RIMBP2: variants seen among roughly 807,000 people sequenced by gnomAD.
RIMBP2 encodes RIMS-binding protein 2.
In RIMBP2, 48 loss-of-function variants were observed where a neutral mutation model predicts 118.6. The ratio of observed to expected loss-of-function variants is 0.40; its 90% CI spans 0.32 to 0.51. The LOEUF (loss-of-function observed/expected upper bound fraction) is 0.51, where lower values mean the gene tolerates loss of function less well. Among genes scored for constraint, RIMBP2 ranks in the 20% least tolerant of loss-of-function variants. The pLI is 0.41. For synonymous variants in RIMBP2, 762 were observed against 742.9 expected (o/e 1.03, Z -0.42); for missense variants, 1,551 against 1,768.3 (o/e 0.88, Z 2.20).
chr12:130,539,875 TAGATGAGGTGG>T (rs1566227349), intron 2 of RIMBP2, among the ~76,000 whole-genome samples: 43 of 123,952 alleles, frequency 3.5e-4, no homozygotes, highest in Non-Finnish European at 5.3e-4. Flanking sequence ...GCAAATGCAG[TAGATGAGGTGG>T]CGAGGTGTAG....
intron 19 of RIMBP2, among the ~76,000 whole-genome samples, chr12:130,411,079 C>T (rs895981405): frequency 1.3e-5 from 2 of 152,150 alleles, no homozygotes; most frequent in African/African-American, 4.8e-5. Flanking sequence ...AGACTTAATG[C>T]TAAGTAGTTC....
chr12:130,405,532 A>C (rs930563319), intron 21 of RIMBP2, among the ~76,000 whole-genome samples: 1 of 152,262 alleles, frequency 6.6e-6, no homozygotes, highest in Non-Finnish European at 1.5e-5. Context: ...ACTTGTAAAG[A>C]TGCCCCAGCT....
At chr12:130,609,147 T>A (rs746073106) in intron 2 of RIMBP2, among the ~76,000 whole-genome samples, 6 of 152,160 alleles carry the variant, frequency 3.9e-5, no homozygotes, top group Admixed American at 2.6e-4. Flanking sequence ...GAGCCCACTA[T>A]GTCACTGGTA....
intron 1 of RIMBP2, among the ~76,000 whole-genome samples, chr12:130,667,034 A>T (rs2063954499): frequency 9.1e-6 from 1 of 110,066 alleles, no homozygotes; most frequent in Non-Finnish European, 1.8e-5. Context: ...AAAGAAGAAG[A>T]GGGAGGAAGG....
At chr12:130,520,314 G>C (rs117452471) in intron 2 of RIMBP2, among the ~76,000 whole-genome samples, 1 of 152,010 alleles carries the variant, frequency 6.6e-6, no homozygotes, top group Non-Finnish European at 1.5e-5. Context: ...AAACATCTTC[G>C]TCTCTTTCCA....
intron 1 of RIMBP2, among the ~76,000 whole-genome samples, chr12:130,672,146 T>G (rs10848178): frequency 0.22 from 33,285 of 152,088 alleles, 3,828 homozygotes; most frequent in East Asian, 0.29. Context: ...GTCTCATCAA[T>G]GCTCGGAGAA....
intron 1 of RIMBP2, among the ~76,000 whole-genome samples, chr12:130,630,286 T>C (rs2061915559): frequency 6.6e-6 from 1 of 151,534 alleles, no homozygotes; most frequent in South Asian, 2.1e-4. Context: ...GAAAGAGTTA[T>C]TGTCAAGTTA....
At chr12:130,680,829 A>G (rs1032705991) in intron 1 of RIMBP2, among the ~76,000 whole-genome samples, 1 of 152,088 alleles carries the variant, frequency 6.6e-6, no homozygotes, top group Non-Finnish European at 1.5e-5. Flanking sequence ...CTCAGAGGAG[A>G]TCGGGGTGGG....
At chr12:130,673,032 T>C (rs1384378289) in intron 1 of RIMBP2, among the ~76,000 whole-genome samples, 1 of 67,568 alleles carries the variant, frequency 1.5e-5, no homozygotes, top group Admixed American at 2.1e-4. Flanking sequence ...GAAAGAACAG[T>C]CTGTCTCAGA....
At chr12:130,667,379 G>C (rs1287340147) in intron 1 of RIMBP2, 1 of 152,178 alleles carries the variant, frequency 6.6e-6, no homozygotes, top group Non-Finnish European at 1.5e-5. Context: ...CATGAATAGA[G>C]GAATTGTTTA....
At chr12:130,485,162 A>G (rs922117709) in intron 4 of RIMBP2, among the ~76,000 whole-genome samples, 2 of 152,252 alleles carry the variant, frequency 1.3e-5, no homozygotes, top group African/African-American at 4.8e-5. Flanking sequence ...CAACAGGATG[A>G]TGGACAGCTA....
intron 2 of RIMBP2, among the ~76,000 whole-genome samples, chr12:130,546,258 C>T (rs541513738): frequency 2.0e-5 from 3 of 151,982 alleles, no homozygotes; most frequent in Non-Finnish European, 4.4e-5. Flanking sequence ...TGTCCACTAC[C>T]ACGCCCAGCT....
At chr12:130,466,369 A>C (rs1299721116) in intron 6 of RIMBP2, 2 of 152,152 alleles carry the variant, frequency 1.3e-5, no homozygotes, top group African/African-American at 4.8e-5. Flanking sequence ...CTAAACCCCA[A>C]AACTAGCTCA....
chr12:130,399,053 A>C, intron 22 of RIMBP2: 1 of 871,092 alleles, frequency 1.1e-6, no homozygotes, highest in East Asian at 3.0e-5. Context: ...AGTCTACCAC[A>C]CTGGCCCGGT....
At chr12:130,694,211 C>A (rs2065467813) in intron 1 of RIMBP2, among the ~76,000 whole-genome samples, 1 of 152,184 alleles carries the variant, frequency 6.6e-6, no homozygotes, top group East Asian at 1.9e-4. Context: ...TCAAGCAAAA[C>A]CCTCCTTGGA....
Position 130,475,512 on chromosome 12 carries a change from AAGC to A in RIMBP2, c.102+3397_102+3399del, listed in dbSNP as rs138083399. 0.027 allele frequency among the ~76,000 whole-genome samples: 4,148 copies of A among 152,238 alleles called. 212 individuals are homozygous for A. Among genetic ancestry groups the A allele is most frequent in the African/African-American group, 0.096 (3,988 of 41,516 alleles). ...GAAAAACAACATTATAGGATGGAGG[AAGC>A]TGAGGATGAAAGCACAAAGAGGCAG... On this transcript the variant is annotated intron_variant, in intron 5 of 22. Coordinates refer to ENST00000690449, the MANE Select transcript of RIMBP2 (RefSeq NM_001393629.1). The surrounding 1 kb of genome is among the most constrained non-coding windows in gnomAD (Gnocchi z 4.1).
chr12:130,420,904 C>A lies in RIMBP2; in HGVS notation c.3238+1549G>T, dbSNP rs562723071. ...GACCTACCATGCCTCTTCCAAAGGACGTCCTTTCTGAGCGCCTACAGCATT... is the reference window on the plus strand; with the variant it reads ...GACCTACCATGCCTCTTCCAAAGGAAGTCCTTTCTGAGCGCCTACAGCATT... On this transcript the variant is annotated intron_variant, in intron 17 of 22. Transcript: ENST00000690449. The surrounding 1 kb of genome is among the most constrained non-coding windows in gnomAD (Gnocchi z 4.3). The A allele has an allele frequency of 6.6e-6, 1 of 152,314 alleles. No homozygotes were observed. The highest frequency in any genetic ancestry group is 1.9e-4 in the East Asian group (1 of 5,176). The allele number at this position is 152,314 out of a possible 1,614,324, so 9.4% of individuals were successfully genotyped here. A position where few individuals can be genotyped will look rare whatever the true frequency, so the allele number is the denominator to read the frequency against.
At chr12:130,648,598 C>T in intron 1 of RIMBP2, among the ~76,000 whole-genome samples, 1 of 144,162 alleles carries the variant, frequency 6.9e-6, no homozygotes, top group East Asian at 2.0e-4. Context: ...ATTTTTTCTA[C>T]AATAAATATA....
chr12:130,528,621 T>A (rs1312823963), intron 2 of RIMBP2, among the ~76,000 whole-genome samples: 1 of 152,182 alleles, frequency 6.6e-6, no homozygotes, highest in East Asian at 1.9e-4. Context: ...TAAAAATGTC[T>A]CTCAATAATT....
Sources: gnomAD v4.1 joint callset for allele counts (sites outside exome capture counted in the v4.1 genomes callset) on GRCh38, gnomAD v4.1.1 for gene constraint, Gnocchi (gnomAD v3.1) non-coding constraint, MANE v1.5 for transcripts, NCBI Gene and HGNC (gene_info 2026-07-23, HGNC 2026-07-21) for gene names.